NUTM2D: variants seen among roughly 807,000 people sequenced by gnomAD.
NUTM2D encodes NUT family member 2A pseudogene.
In NUTM2D, 2 loss-of-function variants were observed where a neutral mutation model predicts 43.5. That is an observed-to-expected ratio of 0.05 (90% CI 0.02 to 0.14). The LOEUF (loss-of-function observed/expected upper bound fraction) is 0.14. NUTM2D is among the 10% of genes least tolerant of loss of function. The pLI is 1.00. For synonymous variants in NUTM2D, 24 were observed against 276.6 expected, an observed-to-expected ratio of 0.09 and a Z score of 9.06; for missense variants, 48 against 668.7, an observed-to-expected ratio of 0.07 and a Z score of 10.24.
chr10:87,365,340 T>A, intron 5 of NUTM2D, 137 bp downstream of exon 5: 1 of 1,509,516 alleles, frequency 6.6e-7, no homozygotes, highest in Non-Finnish European at 8.9e-7. Context: ...TATGTGATTG[T>A]GTGTGTCTGT....
rs748834995 is a variant in NUTM2D at position 87,358,211 on chromosome 10, C to G, written c.-55C>G. 6.2e-7 allele frequency: 1 copy of G among 1,612,160 alleles called. No individual in the cohort carries two copies. Among genetic ancestry groups the G allele is most frequent in the Admixed American group, 1.7e-5 (1 of 60,028 alleles). ...GCCGAAGCCCTTCACAGAATGTCCCCCACCCCTAACAGCTGCCCACTGCCC... is the reference window on the plus strand; with the variant it reads ...GCCGAAGCCCTTCACAGAATGTCCCGCACCCCTAACAGCTGCCCACTGCCC... On this transcript the variant is annotated 5_prime_UTR_variant, in exon 1 of 7. Coordinates refer to ENST00000381697, the MANE Select transcript of NUTM2D (RefSeq NM_001382304.1).
chr10:87,367,247 G>A, downstream of NUTM2D: 7 of 1,418,686 alleles, frequency 4.9e-6, no homozygotes, highest in South Asian at 4.8e-5. Flanking sequence ...TCCGTGGAGG[G>A]TGTCTGTGAG....
At position 87,358,419 on chromosome 10, in the gene NUTM2D, G is replaced by C. The variant is rs1279204775; in HGVS notation, c.154G>C (p.Ala52Pro). 3 of 1,613,862 alleles carry C rather than the reference G, an allele frequency of 1.9e-6. No individual in the cohort carries two copies. The African/African-American group carries it at 4.0e-5, about 22-fold the overall frequency. ...AGTCAGTGCCCAGCCTGAGGGGATG[G>C]CTTCAAATGGAGGTAAGCCTGTAGG... Reference protein sequence around the residue: ...AVVSAQPEGMASNGAYPALGP... With the variant: ...AVVSAQPEGMPSNGAYPALGP... Residue 52 changes from alanine (A) to proline (P), a missense_variant, in exon 1 of 7, where the codon GCT (alanine) becomes CCT (proline). Coordinates refer to ENST00000381697, the MANE Select transcript of NUTM2D (RefSeq NM_001382304.1).
downstream of NUTM2D, chr10:87,369,283 G>A (rs548840724): frequency 4.1e-3 from 627 of 151,530 alleles, 6 homozygotes; most frequent in African/African-American, 0.014. Context: ...GTAAGAAGCA[G>A]AGACCCCAGA....
intron 2 of NUTM2D, 69 bp from the exon 3 acceptor site, chr10:87,363,060 GGGGCCAGGT>G (rs1850271394): frequency 5.3e-6 from 1 of 189,318 alleles, no homozygotes; most frequent in Non-Finnish European, 1.1e-5. Context: ...GGGGAGGACA[GGGGCCAGGT>G]GTTGGGACCA....
At position 87,365,799 on chromosome 10, in the gene NUTM2D, TG is replaced by T; in HGVS notation, c.1630del (p.Ala544ProfsTer3). 3.6e-6 allele frequency: 3 copies of T among 838,092 alleles called. No individual in the cohort carries two copies. Among genetic ancestry groups the T allele is most frequent in the Admixed American group, 2.1e-5 (1 of 47,250 alleles). 51.9% of individuals were successfully genotyped at this position (838,092 alleles called of 1,614,324 possible). A position where few individuals can be genotyped will look rare whatever the true frequency, so the allele number is the denominator to read the frequency against. On this transcript the variant is annotated frameshift_variant, in exon 6 of 7. Transcript: ENST00000381697. LOFTEE classifies it high-confidence loss of function. ...TGGAGCAGGAGGAAGGACTCACCCT[TG>T]CCCAGGTACCCCAGGGGCAGGAGGG... ...ELEQEEGLTL[A>X]QLVEKRLLPL...
Sources: allele counts gnomAD v4.1 joint callset, GRCh38; gene constraint gnomAD v4.1.1; transcripts MANE v1.5; gene names NCBI Gene and HGNC (gene_info 2026-07-23, HGNC 2026-07-21).